RSBN1L: variants seen among roughly 807,000 people sequenced by gnomAD.
The protein encoded by RSBN1L is round spermatid basic protein 1 like, also known as lysine-specific demethylase RSBN1L.
Under a neutral mutation model 67.7 loss-of-function variants are expected in RSBN1L, and 30 were observed. The observed-to-expected ratio is 0.44, with a 90% CI of 0.33 to 0.60. The LOEUF (loss-of-function observed/expected upper bound fraction) is 0.60. Ranked by LOEUF, RSBN1L falls within the 20% of genes least tolerant of loss-of-function variation. The probability of loss-of-function intolerance (pLI) is 0.02; values close to 1 mark genes in which losing one functional copy is unlikely to be tolerated. For synonymous variants in RSBN1L, 433 were observed against 387.0 expected, an observed-to-expected ratio of 1.12 and a Z score of -1.39; for missense variants, 992 against 1,031.7, an observed-to-expected ratio of 0.96 and a Z score of 0.53.
rs751070297 is a variant in RSBN1L at position 77,779,198 on chromosome 7, T to TA, written c.*37dup. The TA allele has an allele frequency of 2.1e-6, 3 of 1,446,154 alleles. No homozygotes were observed. The highest frequency in any genetic ancestry group is 2.8e-6 in the Non-Finnish European group (3 of 1,070,048). 89.6% of individuals were successfully genotyped at this position (1,446,154 alleles called of 1,614,324 possible). A position where few individuals can be genotyped will look rare whatever the true frequency, so the allele number is the denominator to read the frequency against. On this transcript the variant is annotated 3_prime_UTR_variant, in exon 8 of 8. Coordinates refer to ENST00000334955, the MANE Select transcript of RSBN1L (RefSeq NM_198467.3). The stretch of plus-strand genomic sequence containing the variant: ...GCATATACCATCTAAAATCCTTTTT[T>TA]AAAAAAATTTAATGTAATAAAGATT...
At chr7:77,773,920 C>G (rs1011037091) in intron 6 of RSBN1L, among the ~76,000 whole-genome samples, 14 of 152,136 alleles carry the variant, frequency 9.2e-5, no homozygotes, top group African/African-American at 3.4e-4. Flanking sequence ...TTACAAATGT[C>G]ATTTAATTTT....
At chr7:77,771,826 A>ATTT (rs11406602) in intron 5 of RSBN1L, among the ~76,000 whole-genome samples, 1 of 150,980 alleles carries the variant, frequency 6.6e-6, no homozygotes, top group African/African-American at 2.4e-5. Flanking sequence ...GTGATTCTTA[A>ATTT]TTTTTTTTTC....
At chr7:77,766,161 A>G (rs1354929506) in intron 4 of RSBN1L, among the ~76,000 whole-genome samples, 2 of 152,218 alleles carry the variant, frequency 1.3e-5, no homozygotes, top group African/African-American at 2.4e-5. Context: ...CATCCATAAA[A>G]TAACATGTTT....
chr7:77,753,444 A>G (rs1791579759), intron 3 of RSBN1L, among the ~76,000 whole-genome samples: 1 of 151,768 alleles, frequency 6.6e-6, no homozygotes, highest in African/African-American at 2.4e-5. Context: ...GTACCTGTCC[A>G]CTCTGTCAAT....
intron 1 of RSBN1L, among the ~76,000 whole-genome samples, chr7:77,698,203 G>C (rs1390553870): frequency 2.6e-5 from 4 of 152,194 alleles, no homozygotes; most frequent in Non-Finnish European, 5.9e-5. Context: ...TTTTTTGCCT[G>C]TAGCAAAGCT....
rs186406136 is a variant in RSBN1L at position 77,731,942 on chromosome 7, A to T, written c.587-4468A>T. 7.2e-5 allele frequency among the ~76,000 whole-genome samples: 11 copies of T among 151,780 alleles called. No individual in the cohort carries two copies. The East Asian group carries it at 2.1e-3, about 29-fold the overall frequency. On this transcript the variant is annotated intron_variant, in intron 1 of 7. Transcript: ENST00000334955. ...AGATAAGTTGATTGTATTTAAGTGG[A>T]TCTGTTTCTGGACTCCCTATTTTGT...
At chr7:77,753,605 G>A (rs1192364041) in intron 3 of RSBN1L, among the ~76,000 whole-genome samples, 4 of 152,154 alleles carry the variant, frequency 2.6e-5, no homozygotes. Flanking sequence ...AAGTTCCTAA[G>A]TTTAATGTAA....
In RSBN1L at chr7:77,701,168, A is replaced by AAAC. The variant is rs1207103569; in HGVS notation, c.586+4134_586+4136dup. On this transcript the variant is annotated intron_variant, in intron 1 of 7. Transcript: ENST00000334955. ...CTCTGGCTCAAAAAAAAAAAAAAAA[A>AAAC]AACAACAACAACAACAACAACAAAA... Among the ~76,000 whole-genome samples the AAAC allele has an allele frequency of 1.1e-3, 143 of 135,692 alleles. 2 individuals are homozygous for AAAC. Among genetic ancestry groups the AAAC allele is most frequent in the South Asian group, 5.9e-3 (26 of 4,392 alleles). 89.0% of individuals were successfully genotyped at this position (135,692 alleles called of 152,430 possible).
chr7:77,722,008 G>A (rs926809065), intron 1 of RSBN1L, among the ~76,000 whole-genome samples: 3 of 152,140 alleles, frequency 2.0e-5, no homozygotes, highest in South Asian at 4.1e-4. Context: ...ATATTTTAAC[G>A]AAGTATAAAC....
intron 1 of RSBN1L, among the ~76,000 whole-genome samples, chr7:77,727,244 C>T (rs1263846215): frequency 6.6e-6 from 1 of 152,108 alleles, no homozygotes; most frequent in African/African-American, 2.4e-5. Context: ...TGTGCCACCA[C>T]GCCCAACTAG....
chr7:77,728,916 C>T (rs935644277), intron 1 of RSBN1L, among the ~76,000 whole-genome samples: 2 of 152,142 alleles, frequency 1.3e-5, no homozygotes, highest in Non-Finnish European at 2.9e-5. Context: ...ATATTGCTAA[C>T]GATAGTCTTG....
At chr7:77,740,220 G>A (rs1341096759) in intron 2 of RSBN1L, among the ~76,000 whole-genome samples, 1 of 152,110 alleles carries the variant, frequency 6.6e-6, no homozygotes, top group African/African-American at 2.4e-5. Flanking sequence ...CTTATTTAGT[G>A]GGTCTTATTT....
intron 2 of RSBN1L, among the ~76,000 whole-genome samples, chr7:77,743,072 G>A (rs1791434705): frequency 7.1e-6 from 1 of 139,900 alleles, no homozygotes; most frequent in East Asian, 2.0e-4. Context: ...TTTTTTTTTC[G>A]AGACAAGGTC....
chr7:77,718,891 G>C (rs926267550), intron 1 of RSBN1L, among the ~76,000 whole-genome samples: 5 of 152,320 alleles, frequency 3.3e-5, no homozygotes, highest in African/African-American at 9.6e-5. Context: ...GGCTGGTCTG[G>C]TATGGAAGGT....
chr7:77,704,844 C>T (rs150021255), intron 1 of RSBN1L, among the ~76,000 whole-genome samples: 2,817 of 151,938 alleles, frequency 0.019, 38 homozygotes, highest in Middle Eastern at 0.071. Context: ...GTGTGTCGGG[C>T]GCCTGTTATC....
At chr7:77,705,432 C>G (rs1005727190) in intron 1 of RSBN1L, among the ~76,000 whole-genome samples, 2 of 149,394 alleles carry the variant, frequency 1.3e-5, no homozygotes, top group Non-Finnish European at 3.0e-5. Context: ...GGCATACAGT[C>G]TTTAGATTGT....
intron 1 of RSBN1L, among the ~76,000 whole-genome samples, chr7:77,711,823 C>T (rs1271713008): frequency 1.3e-5 from 2 of 152,072 alleles, no homozygotes; most frequent in African/African-American, 4.8e-5. Context: ...GTGCATATTT[C>T]CATATATATA....
At chr7:77,751,604 C>A (rs891890019) in intron 3 of RSBN1L, among the ~76,000 whole-genome samples, 19 of 152,244 alleles carry the variant, frequency 1.2e-4, no homozygotes, top group African/African-American at 4.3e-4. Context: ...TGAGGTTACA[C>A]CTGAATATAA....
At chr7:77,725,682 G>A (rs921392331) in intron 1 of RSBN1L, among the ~76,000 whole-genome samples, 1 of 149,816 alleles carries the variant, frequency 6.7e-6, no homozygotes, top group Non-Finnish European at 1.5e-5. Context: ...TGTTGCTCAG[G>A]CTGGGTTCAA....
Sources: allele counts gnomAD v4.1 joint callset (sites outside exome capture counted in the v4.1 genomes callset), GRCh38; gene constraint gnomAD v4.1.1; transcripts MANE v1.5; gene names NCBI Gene and HGNC (gene_info 2026-07-23, HGNC 2026-07-21).